Variants in NCAM2 observed in about 807,000 individuals in gnomAD.
NCAM2 encodes the protein N-CAM-2.
NCAM2 carries 30 observed loss-of-function variants against 98.1 expected under a neutral mutation model. The observed-to-expected ratio is 0.31, with a 90% CI of 0.23 to 0.41. The LOEUF is 0.41. NCAM2 is among the 10% of genes least tolerant of loss of function. NCAM2 has a pLI of 1.00. For synonymous variants in NCAM2, 368 were observed against 342.4 expected, an observed-to-expected ratio of 1.07 and a Z score of -0.83; for missense variants, 867 against 1,005.8, an observed-to-expected ratio of 0.86 and a Z score of 1.87.
chr21:21,425,837 ATAT>A (rs749876868), intron 11 of NCAM2, among the ~76,000 whole-genome samples: 1 of 152,178 alleles, frequency 6.6e-6, no homozygotes, highest in Non-Finnish European at 1.5e-5. Context: ...TGGCTATATA[ATAT>A]TAGATTAAGC....
At chr21:21,418,144 T>G (rs1171832649) in intron 10 of NCAM2, among the ~76,000 whole-genome samples, 1 of 151,992 alleles carries the variant, frequency 6.6e-6, no homozygotes, top group African/African-American at 2.4e-5. Flanking sequence ...TATTTCAAAC[T>G]GTGTACTACT....
chr21:21,051,793 T>C (rs1484222299), intron 1 of NCAM2, among the ~76,000 whole-genome samples: 1 of 152,216 alleles, frequency 6.6e-6, no homozygotes, highest in African/African-American at 2.4e-5. Context: ...TAGGAACTTC[T>C]TCATCTCTGT....
chr21:21,281,638 C>T (rs2072933679), intron 2 of NCAM2, among the ~76,000 whole-genome samples: 1 of 151,930 alleles, frequency 6.6e-6, no homozygotes, highest in African/African-American at 2.4e-5. Flanking sequence ...ACAATATATT[C>T]ATTTTTACAA....
intron 5 of NCAM2, among the ~76,000 whole-genome samples, chr21:21,322,629 T>TGGAATTGAATTACAAATGAGTATAC (rs2074405503): frequency 2.0e-5 from 3 of 152,158 alleles, no homozygotes; most frequent in Non-Finnish European, 4.4e-5. Flanking sequence ...TGGAGTTAGT[T>TGGAATTGAATTACAAATGAGTATAC]TTCCTTGGCT....
intron 14 of NCAM2, among the ~76,000 whole-genome samples, chr21:21,473,937 G>A (rs1473198860): frequency 2.7e-5 from 4 of 149,510 alleles, no homozygotes; most frequent in East Asian, 1.9e-4. Flanking sequence ...TAAGAGAAGC[G>A]ATACCAAAGG....
chr21:21,024,665 C>T (rs2064505112), intron 1 of NCAM2, among the ~76,000 whole-genome samples: 1 of 152,124 alleles, frequency 6.6e-6, no homozygotes, highest in Non-Finnish European at 1.5e-5. Flanking sequence ...AACCTCAGGT[C>T]AGCAGTTCGA....
chr21:21,530,625 C>A (rs1345888692), intron 16 of NCAM2, among the ~76,000 whole-genome samples: 1 of 151,426 alleles, frequency 6.6e-6, no homozygotes, highest in Non-Finnish European at 1.5e-5. Flanking sequence ...AAATTTATGT[C>A]ACATAGAAAT....
intron 8 of NCAM2, among the ~76,000 whole-genome samples, chr21:21,346,145 G>T (rs1261820987): frequency 7.4e-6 from 1 of 134,452 alleles, no homozygotes; most frequent in African/African-American, 2.8e-5. Flanking sequence ...TTGCCTACAA[G>T]AAACATACTT....
intron 1 of NCAM2, among the ~76,000 whole-genome samples, chr21:21,205,092 C>T (rs1441670826): frequency 3.9e-5 from 6 of 152,170 alleles, no homozygotes; most frequent in African/African-American, 1.4e-4. Context: ...CATGTGCACA[C>T]AAGAAAGAGT....
In NCAM2 at chr21:21,059,379, A is replaced by C. The variant is rs141481548; in HGVS notation, c.55+60761A>C. Reference sequence around the variant, plus strand: ...TAGTGCAGCAGAGATAGAGCATTTCAGAACTTCAGATAATGCAACTTTGGT... The same window carrying C: ...TAGTGCAGCAGAGATAGAGCATTTCCGAACTTCAGATAATGCAACTTTGGT... On this transcript the variant is annotated intron_variant, in intron 1 of 17. Coordinates refer to ENST00000400546, the MANE Select transcript of NCAM2 (RefSeq NM_004540.5). 3.4e-4 allele frequency among the ~76,000 whole-genome samples: 52 copies of C among 152,246 alleles called. No homozygotes were observed. In the East Asian group the frequency reaches 9.8e-3, roughly 29 times the overall value.
chr21:21,397,589 G>A (rs774094105), intron 9 of NCAM2, among the ~76,000 whole-genome samples: 2 of 152,222 alleles, frequency 1.3e-5, no homozygotes, highest in Admixed American at 1.3e-4. Flanking sequence ...CAGGCACCAG[G>A]AATGGAGAGA....
At chr21:21,195,991 A>G (rs1456957376) in intron 1 of NCAM2, among the ~76,000 whole-genome samples, 2 of 152,252 alleles carry the variant, frequency 1.3e-5, no homozygotes, top group Non-Finnish European at 2.9e-5. Flanking sequence ...TAATTAAAAT[A>G]ATCTGACTTC....
chr21:21,431,123 T>TTGTGTGTGTGTGTGTTTGTGTG (rs2077332725), intron 11 of NCAM2, among the ~76,000 whole-genome samples: 1 of 141,172 alleles, frequency 7.1e-6, no homozygotes, highest in East Asian at 2.1e-4. Flanking sequence ...TAATATATGT[T>TTGTGTGTGTGTGTGTTTGTGTG]TGTGTGTGTG....
chr21:21,212,830 C>T (rs2069713702), intron 1 of NCAM2, among the ~76,000 whole-genome samples: 4 of 151,364 alleles, frequency 2.6e-5, no homozygotes, highest in Admixed American at 2.6e-4. Flanking sequence ...GCGAGCACCG[C>T]CTCCCGGGCT....
chr21:21,217,643 A>G (rs184738558), intron 1 of NCAM2, among the ~76,000 whole-genome samples: 8 of 152,262 alleles, frequency 5.3e-5, no homozygotes, highest in African/African-American at 1.9e-4. Context: ...AATTAACTCA[A>G]TAATTGATTT....
At chr21:21,318,316 A>G (rs950680001) in intron 5 of NCAM2, among the ~76,000 whole-genome samples, 3 of 152,200 alleles carry the variant, frequency 2.0e-5, no homozygotes, top group Non-Finnish European at 4.4e-5. Flanking sequence ...GAGATCTTCC[A>G]TATTAACTAT....
At chr21:21,422,391 A>G (rs1271298373) in intron 11 of NCAM2, among the ~76,000 whole-genome samples, 4 of 152,152 alleles carry the variant, frequency 2.6e-5, no homozygotes, top group East Asian at 1.9e-4. Context: ...TAAAAGCCCA[A>G]ACTTTGCTAG....
chr21:21,394,570 G>A (rs1200509822), intron 9 of NCAM2, among the ~76,000 whole-genome samples: 1 of 133,084 alleles, frequency 7.5e-6, no homozygotes, highest in African/African-American at 2.8e-5. Flanking sequence ...CTCACTGCAA[G>A]CTCCGCCTCC....
At chr21:21,503,000 T>G (rs965395276) in intron 15 of NCAM2, among the ~76,000 whole-genome samples, 2 of 152,112 alleles carry the variant, frequency 1.3e-5, no homozygotes, top group African/African-American at 4.8e-5. Flanking sequence ...AATAGTGCAG[T>G]GGTTTTTGAA....
Sources: gnomAD v4.1 joint callset for allele counts (sites outside exome capture counted in the v4.1 genomes callset) on GRCh38, gnomAD v4.1.1 for gene constraint, MANE v1.5 for transcripts, NCBI Gene and HGNC (gene_info 2026-07-23, HGNC 2026-07-21) for gene names.